The following ARHGEF4 variants were observed in gnomAD, a reference collection of about 807,000 sequenced individuals.
ARHGEF4 encodes the protein Rho guanine nucleotide exchange factor 4.
ARHGEF4 carries 119 observed loss-of-function variants against 162.0 expected under a neutral mutation model. The observed-to-expected ratio is 0.73, with a 90% CI of 0.63 to 0.86. The LOEUF (loss-of-function observed/expected upper bound fraction) is 0.86. Ranked by LOEUF, ARHGEF4 falls within the 40% of genes least tolerant of loss-of-function variation. The pLI, the probability that ARHGEF4 is intolerant of heterozygous loss-of-function variation, is 0.00. For synonymous variants in ARHGEF4, 1,014 were observed against 979.9 expected, an observed-to-expected ratio of 1.03 and a Z score of -0.65; for missense variants, 2,488 against 2,456.0, an observed-to-expected ratio of 1.01 and a Z score of -0.28.
chr2:131,030,234 G>A (rs1452763565), intron 5 of ARHGEF4, among the ~76,000 whole-genome samples: 2 of 51,946 alleles, frequency 3.9e-5, no homozygotes, highest in Non-Finnish European at 1.6e-4. Flanking sequence ...TGCTGCTGGC[G>A]AAGAGGTGTT....
intron 5 of ARHGEF4, among the ~76,000 whole-genome samples, chr2:131,029,840 C>A (rs1689721342): frequency 6.6e-6 from 1 of 152,250 alleles, no homozygotes; most frequent in South Asian, 2.1e-4. Flanking sequence ...AAGCGTAAGC[C>A]ACCACACTCG....
intron 2 of ARHGEF4, among the ~76,000 whole-genome samples, chr2:130,919,918 C>T (rs1250469056): frequency 6.6e-6 from 1 of 151,988 alleles, no homozygotes; most frequent in Non-Finnish European, 1.5e-5. Context: ...CTCTATGTGT[C>T]TGTGTATACA....
intron 1 of ARHGEF4, among the ~76,000 whole-genome samples, chr2:130,855,070 G>A (rs1310242814): frequency 6.6e-6 from 1 of 151,718 alleles, no homozygotes; most frequent in African/African-American, 2.4e-5. Context: ...AGTAGAGACG[G>A]GGTTTCACCA....
At chr2:131,022,617 G>A (rs779413357) in intron 4 of ARHGEF4, among the ~76,000 whole-genome samples, 7 of 149,916 alleles carry the variant, frequency 4.7e-5, no homozygotes, top group Non-Finnish European at 8.9e-5. Context: ...CCATCCATAG[G>A]TGATGAAAAT....
chr2:130,955,958 G>C (rs942031510), intron 4 of ARHGEF4, among the ~76,000 whole-genome samples: 1 of 152,192 alleles, frequency 6.6e-6, no homozygotes, highest in Admixed American at 6.5e-5. Flanking sequence ...TTTAGGAAGA[G>C]ATCAGGAGCT....
At chr2:130,910,765 A>C (rs1317074729) in intron 1 of ARHGEF4, among the ~76,000 whole-genome samples, 2 of 152,248 alleles carry the variant, frequency 1.3e-5, no homozygotes, top group East Asian at 3.8e-4. Flanking sequence ...TAACTTCAAA[A>C]AATCAGTATC....
intron 3 of ARHGEF4, among the ~76,000 whole-genome samples, chr2:130,937,250 G>A (rs1346708722): frequency 1.3e-5 from 2 of 151,908 alleles, no homozygotes; most frequent in African/African-American, 4.8e-5. Flanking sequence ...AGGTATGTTG[G>A]TGTGCTTGAT....
chr2:130,893,930 G>A (rs1032601763), intron 1 of ARHGEF4, among the ~76,000 whole-genome samples: 1 of 152,224 alleles, frequency 6.6e-6, no homozygotes, highest in Non-Finnish European at 1.5e-5. Context: ...GATGGAGAGT[G>A]AATTTGGAGT....
intron 1 of ARHGEF4, among the ~76,000 whole-genome samples, chr2:130,888,300 C>T (rs570763119): frequency 1.4e-4 from 21 of 152,020 alleles, no homozygotes; most frequent in African/African-American, 3.4e-4. Context: ...GGTGAAACCC[C>T]GTCTCTACTA....
intron 1 of ARHGEF4, among the ~76,000 whole-genome samples, chr2:130,887,898 C>T (rs1359858749): frequency 2.0e-5 from 3 of 152,062 alleles, no homozygotes; most frequent in Non-Finnish European, 4.4e-5. Context: ...CACTCTTGCT[C>T]ACATTTCATA....
intron 5 of ARHGEF4, among the ~76,000 whole-genome samples, chr2:131,032,267 G>A (rs1689903040): frequency 6.6e-6 from 1 of 151,930 alleles, no homozygotes; most frequent in Non-Finnish European, 1.5e-5. Flanking sequence ...CAGGGTCACT[G>A]CCCTTGCTCT....
At chr2:130,970,798 A>G (rs940518988) in intron 4 of ARHGEF4, among the ~76,000 whole-genome samples, 4 of 152,086 alleles carry the variant, frequency 2.6e-5, no homozygotes, top group African/African-American at 9.7e-5. Flanking sequence ...AGAGTTCTTT[A>G]TATATTCTGA....
chr2:130,983,234 T>G (rs1427092529), intron 4 of ARHGEF4, among the ~76,000 whole-genome samples: 1 of 152,230 alleles, frequency 6.6e-6, no homozygotes, highest in East Asian at 1.9e-4. Context: ...GTTAGTAATT[T>G]CCTTCTTAAC....
rs1292865073 is a variant in ARHGEF4 at position 130,926,056 on chromosome 2, T to TTC, written c.3553-4894_3553-4893dup. The stretch of plus-strand genomic sequence containing the variant: ...TCTTTCTTTCTTTCTTTCTCTTTCT[T>TTC]TCTTTCTTTCTTTCTTTCTTTGGTC... On this transcript the variant is annotated intron_variant, in intron 2 of 13. Transcript: ENST00000409359. Among the ~76,000 whole-genome samples, 140 of 103,164 alleles carry TTC rather than the reference T, an allele frequency of 1.4e-3. 1 individual carries two copies. Among genetic ancestry groups the TTC allele is most frequent in the African/African-American group, 3.1e-3 (92 of 29,892 alleles). The allele number at this position is 103,164 out of a possible 152,430, so 67.7% of individuals were successfully genotyped here.
chr2:130,988,897 TATATAGAGAGAGAGAGAG>T (rs1317451330), intron 4 of ARHGEF4, among the ~76,000 whole-genome samples: 3 of 111,430 alleles, frequency 2.7e-5, no homozygotes, highest in South Asian at 3.7e-4. Flanking sequence ...TATATATATA[TATATAGAGAGAGAGAGAG>T]AGAGAGAGAG....
intron 2 of ARHGEF4, among the ~76,000 whole-genome samples, chr2:130,926,015 T>TCTTTCTTC (rs1165670257): frequency 1.1e-5 from 1 of 88,012 alleles, no homozygotes; most frequent in African/African-American, 9.0e-5. Context: ...TGGTTTTCTC[T>TCTTTCTTC]CTTTCTTTCT....
At chr2:130,901,253 G>C (rs1484112546) in intron 1 of ARHGEF4, among the ~76,000 whole-genome samples, 1 of 152,162 alleles carries the variant, frequency 6.6e-6, no homozygotes, top group Non-Finnish European at 1.5e-5. Flanking sequence ...AGACACACAG[G>C]CTGCTGACAT....
chr2:131,015,940 C>T (rs923774237), intron 4 of ARHGEF4, among the ~76,000 whole-genome samples: 2 of 152,342 alleles, frequency 1.3e-5, no homozygotes, highest in Middle Eastern at 3.4e-3. Flanking sequence ...ATCCCAGTCC[C>T]GCAGCGCAGA....
chr2:130,970,915 G>T (rs1685318554), intron 4 of ARHGEF4, among the ~76,000 whole-genome samples: 1 of 152,116 alleles, frequency 6.6e-6, no homozygotes, highest in African/African-American at 2.4e-5. Flanking sequence ...TTGTAATTTT[G>T]ACGGAATCCA....
Sources: allele counts gnomAD v4.1 joint callset (sites outside exome capture counted in the v4.1 genomes callset), GRCh38; gene constraint gnomAD v4.1.1; transcripts MANE v1.5; gene names NCBI Gene and HGNC (gene_info 2026-07-23, HGNC 2026-07-21).